The following GRIP1 variants were observed in gnomAD, a reference collection of about 807,000 sequenced individuals.
The protein encoded by GRIP1 is glutamate receptor-interacting protein 1.
Under a neutral mutation model 129.9 loss-of-function variants are expected in GRIP1, and 45 were observed. The observed-to-expected ratio is 0.35, with a 90% CI of 0.27 to 0.44. The LOEUF (loss-of-function observed/expected upper bound fraction) is 0.44, where lower values mean the gene tolerates loss of function less well. Among genes scored for constraint, GRIP1 ranks in the 20% least tolerant of loss-of-function variants. The pLI is 1.00. For missense variants in GRIP1, 1,196 were observed against 1,396.8 expected, an observed-to-expected ratio of 0.86 and a Z score of 2.29; for synonymous variants, 530 against 520.8, an observed-to-expected ratio of 1.02 and a Z score of -0.24.
At chr12:67,015,561 C>T (rs1364786024) in intron 1 of GRIP1, among the ~76,000 whole-genome samples, 1 of 152,124 alleles carries the variant, frequency 6.6e-6, no homozygotes, top group Non-Finnish European at 1.5e-5. Context: ...AGACTTCTGA[C>T]AGGAATTCCA....
At chr12:66,577,576 A>T (rs1259499006) in intron 2 of GRIP1, among the ~76,000 whole-genome samples, 3 of 152,018 alleles carry the variant, frequency 2.0e-5, no homozygotes, top group Non-Finnish European at 4.4e-5. Context: ...ATGAAAGGAG[A>T]CTCTTTGATT....
chr12:66,918,295 A>G (rs547446870), intron 1 of GRIP1, among the ~76,000 whole-genome samples: 3 of 151,966 alleles, frequency 2.0e-5, no homozygotes, highest in African/African-American at 7.2e-5. Context: ...GGCAAGAGGT[A>G]TTCTTTTATT....
At chr12:66,841,522 C>A (rs1159287647) in intron 1 of GRIP1, among the ~76,000 whole-genome samples, 1 of 152,166 alleles carries the variant, frequency 6.6e-6, no homozygotes, top group East Asian at 1.9e-4. Flanking sequence ...CAGGGCACTG[C>A]ACAGCATTTT....
intron 1 of GRIP1, among the ~76,000 whole-genome samples, chr12:66,889,242 C>T (rs528251519): frequency 6.6e-6 from 1 of 152,272 alleles, no homozygotes; most frequent in Admixed American, 6.5e-5. Flanking sequence ...GGTGGCTTAC[C>T]TGAGGTCAGG....
At chr12:66,720,515 C>A (rs959331993) in intron 1 of GRIP1, among the ~76,000 whole-genome samples, 5 of 152,276 alleles carry the variant, frequency 3.3e-5, no homozygotes, top group African/African-American at 1.2e-4. Context: ...TAGTATTTTA[C>A]CCACAGTAGA....
intron 1 of GRIP1, among the ~76,000 whole-genome samples, chr12:67,048,100 A>G (rs1273561955): frequency 6.6e-6 from 1 of 152,016 alleles, no homozygotes; most frequent in Non-Finnish European, 1.5e-5. Flanking sequence ...TTGGGCCCAC[A>G]GAACACACTG....
intron 1 of GRIP1, among the ~76,000 whole-genome samples, chr12:66,958,613 T>C (rs1398033599): frequency 1.3e-5 from 2 of 152,230 alleles, no homozygotes; most frequent in African/African-American, 4.8e-5. Flanking sequence ...CCTAACAATC[T>C]AGCATAAATA....
chr12:66,377,354 G>C, intron 20 of GRIP1, 69 bp from the exon 21 acceptor site: 1 of 984,224 alleles, frequency 1.0e-6, no homozygotes, highest in East Asian at 2.4e-5. Context: ...TTGAGACGGA[G>C]TCTCTCTCTG....
intron 13 of GRIP1, among the ~76,000 whole-genome samples, chr12:66,433,799 T>C (rs371270596): frequency 4.5e-4 from 69 of 152,294 alleles, no homozygotes; most frequent in African/African-American, 1.6e-3. Flanking sequence ...AACTTTAGCA[T>C]AAGCAGAGGA....
At chr12:66,888,124 C>T (rs912086276) in intron 1 of GRIP1, among the ~76,000 whole-genome samples, 8 of 152,116 alleles carry the variant, frequency 5.3e-5, no homozygotes, top group Non-Finnish European at 8.8e-5. Context: ...GTAGTGCAAT[C>T]ACCACTTACT....
intron 1 of GRIP1, among the ~76,000 whole-genome samples, chr12:66,754,180 C>T (rs1012288305): frequency 6.6e-6 from 1 of 151,988 alleles, no homozygotes; most frequent in Non-Finnish European, 1.5e-5. Flanking sequence ...TTCCTTTTGA[C>T]AAAGGAATAT....
chr12:66,602,566 T>C (rs2064321425), intron 1 of GRIP1, among the ~76,000 whole-genome samples: 1 of 152,166 alleles, frequency 6.6e-6, no homozygotes, highest in African/African-American at 2.4e-5. Context: ...ACATTTCATT[T>C]CCTTCCCTAA....
intron 1 of GRIP1, among the ~76,000 whole-genome samples, chr12:67,051,024 C>T (rs766141695): frequency 5.9e-5 from 9 of 152,050 alleles, no homozygotes; most frequent in Non-Finnish European, 1.3e-4. Flanking sequence ...GCACTTGGGA[C>T]ATAGTAAAAG....
At chr12:66,927,693 C>A (rs566953046) in intron 1 of GRIP1, among the ~76,000 whole-genome samples, 11 of 152,156 alleles carry the variant, frequency 7.2e-5, no homozygotes, top group Non-Finnish European at 1.5e-4. Flanking sequence ...GGTTACCCAC[C>A]TCGTATCCAC....
At chr12:66,365,858 T>C (rs2055109132) in intron 23 of GRIP1, among the ~76,000 whole-genome samples, 1 of 152,200 alleles carries the variant, frequency 6.6e-6, no homozygotes, top group African/African-American at 2.4e-5. Flanking sequence ...GATGGAATGA[T>C]GGTGACTTTA....
intron 14 of GRIP1, among the ~76,000 whole-genome samples, chr12:66,429,974 C>T (rs918217915): frequency 7.2e-5 from 11 of 152,192 alleles, no homozygotes; most frequent in African/African-American, 2.7e-4. Flanking sequence ...CTAAGTCAGT[C>T]TTTCTTCTGT....
At chr12:66,807,367 G>A (rs1037409082), upstream of GRIP1, among the ~76,000 whole-genome samples, 1 of 152,028 alleles carries the variant, frequency 6.6e-6, no homozygotes, top group African/African-American at 2.4e-5. Flanking sequence ...CATGAGATGT[G>A]GCCCGTTAAA....
intron 3 of GRIP1, among the ~76,000 whole-genome samples, chr12:66,539,557 T>G (rs2139200137): frequency 6.8e-6 from 1 of 146,796 alleles, no homozygotes; most frequent in East Asian, 2.0e-4. Context: ...TTTTTTTTTT[T>G]TTTTTTTTTT....
At chr12:66,401,511 G>A (rs900921203) in intron 16 of GRIP1, among the ~76,000 whole-genome samples, 10 of 151,464 alleles carry the variant, frequency 6.6e-5, no homozygotes, top group East Asian at 2.0e-4. Context: ...CCTGGAAGGC[G>A]GAGGTTGCAG....
Sources: allele counts gnomAD v4.1 joint callset (sites outside exome capture counted in the v4.1 genomes callset), GRCh38; gene constraint gnomAD v4.1.1; transcripts MANE v1.5; gene names NCBI Gene and HGNC (gene_info 2026-07-23, HGNC 2026-07-21).